The following AGPAT3 variants were observed in gnomAD, a reference collection of about 807,000 sequenced individuals.
The protein encoded by AGPAT3 is 1-acylglycerol-3-phosphate O-acyltransferase 3.
Under a neutral mutation model 47.3 loss-of-function variants are expected in AGPAT3, and 5 were observed. The observed-to-expected ratio is 0.11, with a 90% confidence interval of 0.06 to 0.22. The LOEUF is 0.22. Ranked by LOEUF, AGPAT3 falls within the 10% of genes least tolerant of loss-of-function variation. The pLI is 1.00. For missense variants in AGPAT3, 315 were observed against 493.0 expected (o/e 0.64, Z 3.42); for synonymous variants, 212 against 208.3 (o/e 1.02, Z -0.15).
At chr21:43,931,447 T>C (rs559911860) in intron 2 of AGPAT3, among the ~76,000 whole-genome samples, 3 of 152,358 alleles carry the variant, frequency 2.0e-5, no homozygotes. Flanking sequence ...TTTAATATTT[T>C]TGAATAAATC....
chr21:43,928,565 C>T (rs1228632973), intron 2 of AGPAT3, among the ~76,000 whole-genome samples: 1 of 152,246 alleles, frequency 6.6e-6, no homozygotes, highest in African/African-American at 2.4e-5. Flanking sequence ...ACTGCTCTGT[C>T]TGAAGGTTTG....
intron 2 of AGPAT3, among the ~76,000 whole-genome samples, chr21:43,917,734 G>A (rs984795314): frequency 6.6e-5 from 10 of 151,864 alleles, no homozygotes; most frequent in Non-Finnish European, 7.4e-5. Context: ...CTTATCTACC[G>A]GGTGGTCGAG....
intron 7 of AGPAT3, among the ~76,000 whole-genome samples, chr21:43,977,221 T>A (rs1415971373): frequency 6.6e-6 from 1 of 152,172 alleles, no homozygotes; most frequent in African/African-American, 2.4e-5. Context: ...CAGACAGAAA[T>A]CAGCTATTTC....
At chr21:43,961,925 CAG>C (rs1023534939) in intron 3 of AGPAT3, among the ~76,000 whole-genome samples, 2 of 152,090 alleles carry the variant, frequency 1.3e-5, no homozygotes, top group African/African-American at 4.8e-5. Flanking sequence ...CCACTGTCTG[CAG>C]AGAGACTAGT....
chr21:43,968,782 C>G (rs555568768), intron 4 of AGPAT3, among the ~76,000 whole-genome samples: 6 of 152,264 alleles, frequency 3.9e-5, no homozygotes, highest in African/African-American at 1.2e-4. Flanking sequence ...CTAAACTACT[C>G]CCCGATGCTG....
chr21:43,967,155 C>T (rs535240112), intron 3 of AGPAT3: 40 of 152,444 alleles, frequency 2.6e-4, no homozygotes, highest in African/African-American at 9.6e-4. Context: ...AAACAGATCT[C>T]CCGGCACGAG....
intron 7 of AGPAT3, among the ~76,000 whole-genome samples, chr21:43,972,188 AG>A (rs1056027831): frequency 1.3e-5 from 2 of 151,910 alleles, no homozygotes; most frequent in African/African-American, 4.8e-5. Flanking sequence ...CCCATCGCCC[AG>A]GCTGGCATGC....
chr21:43,955,551 C>T lies in AGPAT3; in HGVS notation c.-48-4083C>T, dbSNP rs1279243116. ...TCAAGCTATTTTCCTGCCTCGGCCTCCCAAAGTGCTCAGATTACAGGTGTG... is the reference window on the plus strand; with the variant it reads ...TCAAGCTATTTTCCTGCCTCGGCCTTCCAAAGTGCTCAGATTACAGGTGTG... On this transcript the variant is annotated intron_variant, in intron 2 of 9. Coordinates refer to ENST00000291572, the MANE Select transcript of AGPAT3 (RefSeq NM_020132.5). This position sits in a 1 kb window ranked among gnomAD's most constrained non-coding sequence, Gnocchi z 4.1. Among the ~76,000 whole-genome samples the T allele has an allele frequency of 6.6e-6, 1 of 152,056 alleles. No individual in the cohort carries two copies. The highest frequency in any genetic ancestry group is 2.4e-5 in the African/African-American group (1 of 41,426).
At chr21:43,929,473 A>G (rs907910389) in intron 2 of AGPAT3, among the ~76,000 whole-genome samples, 37 of 152,114 alleles carry the variant, frequency 2.4e-4, no homozygotes, top group African/African-American at 8.9e-4. Context: ...TGGGACTTCT[A>G]TTTTTATGTG....
chr21:43,905,584 C>T (rs1326871944), intron 2 of AGPAT3, among the ~76,000 whole-genome samples: 1 of 152,240 alleles, frequency 6.6e-6, no homozygotes, highest in Non-Finnish European at 1.5e-5. Context: ...TGGCAGCTCC[C>T]AGCTAACTGG....
rs559342585 is a variant in AGPAT3, at chr21:43,962,724, G to A, written c.178+2865G>A. On this transcript the variant is annotated intron_variant, in intron 3 of 9. Transcript: ENST00000291572. ...TAAACCAGGACTCTTGAGCGAGGGCGCGAGACAAGCTAGGGTTAACAGTGA... is the reference window on the plus strand; with the variant it reads ...TAAACCAGGACTCTTGAGCGAGGGCACGAGACAAGCTAGGGTTAACAGTGA... 5.9e-5 allele frequency among the ~76,000 whole-genome samples: 9 copies of A among 152,324 alleles called. No individual in the cohort carries two copies. The East Asian group carries it at 1.5e-3, about 26-fold the overall frequency.
rs1366243595 is a variant in AGPAT3 at position 43,937,581 on chromosome 21, G to A, written c.-48-22053G>A. On this transcript the variant is annotated intron_variant, in intron 2 of 9. Coordinates refer to ENST00000291572, the MANE Select transcript of AGPAT3 (RefSeq NM_020132.5). ...TTTTTTTGTTTTGTTTTGTTTTTCT[G>A]GAGACAGGGTCTCCCTCTGTCACTA... Among the ~76,000 whole-genome samples, 5 of 152,016 alleles carry A rather than the reference G, an allele frequency of 3.3e-5. No individual in the cohort carries two copies. The East Asian group carries it at 9.6e-4, about 29-fold the overall frequency.
At chr21:43,959,032 T>C in intron 2 of AGPAT3, among the ~76,000 whole-genome samples, 1 of 113,084 alleles carries the variant, frequency 8.8e-6, no homozygotes, top group Non-Finnish European at 1.8e-5. Flanking sequence ...GTGTGGTGTG[T>C]GTGGCATGTG....
At chr21:43,895,661 C>T (rs1343951474) in intron 1 of AGPAT3, among the ~76,000 whole-genome samples, 1 of 152,122 alleles carries the variant, frequency 6.6e-6, no homozygotes, top group Non-Finnish European at 1.5e-5. Context: ...GATCTTGGCT[C>T]GCTGCAACCT....
intron 1 of AGPAT3, among the ~76,000 whole-genome samples, chr21:43,886,010 G>A (rs1266269434): frequency 3.3e-5 from 5 of 152,244 alleles, no homozygotes; most frequent in Non-Finnish European, 7.3e-5. Flanking sequence ...TTTTTGCAAA[G>A]CCGGGGCAGC....
chr21:43,924,215 C>T (rs1256877903), intron 2 of AGPAT3, among the ~76,000 whole-genome samples: 6 of 149,936 alleles, frequency 4.0e-5, no homozygotes, highest in South Asian at 2.1e-4. Context: ...TTAGCAGAGA[C>T]GGGGTTTCAC....
At chr21:43,896,284 C>T (rs751164308) in intron 1 of AGPAT3, among the ~76,000 whole-genome samples, 1 of 152,188 alleles carries the variant, frequency 6.6e-6, no homozygotes, top group Non-Finnish European at 1.5e-5. Context: ...CTCGTTTAAG[C>T]GTCTGTGGGG....
At chr21:43,961,338 G>A (rs111415569) in intron 3 of AGPAT3, among the ~76,000 whole-genome samples, 10 of 146,346 alleles carry the variant, frequency 6.8e-5, no homozygotes, top group African/African-American at 1.5e-4. Flanking sequence ...ACTTTGTCTC[G>A]TGGGAAACGG....
chr21:43,876,146 T>G (rs1479856861), intron 1 of AGPAT3, among the ~76,000 whole-genome samples: 2 of 152,168 alleles, frequency 1.3e-5, no homozygotes, highest in African/African-American at 4.8e-5. Flanking sequence ...GTTCTCTTTG[T>G]TTTTTTCCAA....
Sources: gnomAD v4.1 joint callset for allele counts (sites outside exome capture counted in the v4.1 genomes callset) on GRCh38, gnomAD v4.1.1 for gene constraint, Gnocchi (gnomAD v3.1) non-coding constraint, MANE v1.5 for transcripts, NCBI Gene and HGNC (gene_info 2026-07-23, HGNC 2026-07-21) for gene names.